Variants in FAM135B observed in about 807,000 individuals in gnomAD.
FAM135B encodes the protein family with sequence similarity 135 member B.
Under a neutral mutation model 127.7 loss-of-function variants are expected in FAM135B, and 43 were observed. That is an observed-to-expected ratio of 0.34 (90% CI 0.26 to 0.43). The LOEUF (loss-of-function observed/expected upper bound fraction) is 0.43. FAM135B is among the 20% of genes least tolerant of loss of function. The probability of loss-of-function intolerance (pLI) is 1.00; values close to 1 mark genes in which losing one functional copy is unlikely to be tolerated. For missense variants in FAM135B, 1,558 were observed against 1,725.6 expected, an observed-to-expected ratio of 0.90 and a Z score of 1.72; for synonymous variants, 670 against 665.1, an observed-to-expected ratio of 1.01 and a Z score of -0.11.
intron 1 of FAM135B, among the ~76,000 whole-genome samples, chr8:138,444,475 T>G (rs577772458): frequency 4.9e-4 from 74 of 152,210 alleles, no homozygotes; most frequent in Non-Finnish European, 9.9e-4. Context: ...TGCAATCAAA[T>G]TAGAACTCAG....
chr8:138,284,536 T>C (rs1824520160), intron 3 of FAM135B, among the ~76,000 whole-genome samples: 1 of 151,684 alleles, frequency 6.6e-6, no homozygotes, highest in African/African-American at 2.4e-5. Context: ...TCCATCTCCA[T>C]ATCACTCCAG....
chr8:138,149,136 AAAAT>A (rs148497404), intron 13 of FAM135B, among the ~76,000 whole-genome samples: 77,028 of 127,392 alleles, frequency 0.6, 20,670 homozygotes, highest in East Asian at 0.76. Context: ...TAATAATAAA[AAAAT>A]AAATAAATAA....
intron 18 of FAM135B, among the ~76,000 whole-genome samples, chr8:138,137,926 C>T (rs539627441): frequency 1.2e-4 from 19 of 152,316 alleles, no homozygotes; most frequent in Non-Finnish European, 2.2e-4. Context: ...CCTTCTCATT[C>T]CCCAGATCCT....
At chr8:138,483,969 G>C (rs534681355) in intron 1 of FAM135B, among the ~76,000 whole-genome samples, 1 of 152,272 alleles carries the variant, frequency 6.6e-6, no homozygotes, top group South Asian at 2.1e-4. Context: ...AAATAAGAAA[G>C]AGCAGATCTG....
chr8:138,354,774 G>A (rs1829988034), intron 2 of FAM135B, among the ~76,000 whole-genome samples: 2 of 152,062 alleles, frequency 1.3e-5, no homozygotes, highest in South Asian at 4.1e-4. Context: ...TTTCAAGGGG[G>A]GATTTGTATG....
chr8:138,426,060 T>TACACAC (rs375950765), intron 1 of FAM135B, among the ~76,000 whole-genome samples: 4 of 128,028 alleles, frequency 3.1e-5, no homozygotes, highest in East Asian at 5.6e-4. Context: ...CATATATATA[T>TACACAC]ACACACACAC....
At chr8:138,200,716 A>G (rs1817050502) in intron 7 of FAM135B, among the ~76,000 whole-genome samples, 1 of 152,160 alleles carries the variant, frequency 6.6e-6, no homozygotes, top group African/African-American at 2.4e-5. Context: ...CGCTTGCTAT[A>G]TGTGTGTATG....
intron 1 of FAM135B, among the ~76,000 whole-genome samples, chr8:138,399,551 C>A (rs928477775): frequency 3.3e-5 from 5 of 152,162 alleles, no homozygotes; most frequent in African/African-American, 1.2e-4. Flanking sequence ...CCCCCACTGT[C>A]AACAGACCAA....
intron 2 of FAM135B, among the ~76,000 whole-genome samples, chr8:138,322,612 T>C (rs964051696): frequency 1.1e-4 from 16 of 152,234 alleles, no homozygotes; most frequent in African/African-American, 2.4e-4. Context: ...TAGTCAGCTA[T>C]GGGGAAATTG....
At chr8:138,266,575 A>C (rs1822937748) in intron 3 of FAM135B, among the ~76,000 whole-genome samples, 1 of 150,082 alleles carries the variant, frequency 6.7e-6, no homozygotes, top group Admixed American at 6.7e-5. Context: ...GATACGTGTA[A>C]AAAATATATG....
At chr8:138,296,470 T>C (rs965454191) in intron 3 of FAM135B, among the ~76,000 whole-genome samples, 2 of 152,204 alleles carry the variant, frequency 1.3e-5, no homozygotes, top group African/African-American at 4.8e-5. Flanking sequence ...CAACTCAATC[T>C]TACATGGAAG....
chr8:138,226,344 A>G lies in FAM135B; in HGVS notation c.669+16598T>C, dbSNP rs1163102430. Among the ~76,000 whole-genome samples, 7 of 152,118 alleles carry G rather than the reference A, an allele frequency of 4.6e-5. No homozygotes were observed. In the East Asian group the frequency reaches 1.4e-3, roughly 29 times the overall value. On this transcript the variant is annotated intron_variant, in intron 7 of 19. Coordinates refer to ENST00000395297, the MANE Select transcript of FAM135B (RefSeq NM_015912.4). ...GAGTCACTGTTGTAAACTAAGACAAATGCACAAAAGGAAAGGAACAGAATT... is the reference window on the plus strand; with the variant it reads ...GAGTCACTGTTGTAAACTAAGACAAGTGCACAAAAGGAAAGGAACAGAATT...
chr8:138,248,602 T>G (rs987810164), intron 6 of FAM135B, among the ~76,000 whole-genome samples: 1 of 152,072 alleles, frequency 6.6e-6, no homozygotes, highest in Non-Finnish European at 1.5e-5. Flanking sequence ...TGTGGATTGC[T>G]TGACCTCAGG....
chr8:138,415,802 A>G (rs950604539), intron 1 of FAM135B, among the ~76,000 whole-genome samples: 27 of 152,218 alleles, frequency 1.8e-4, no homozygotes, highest in African/African-American at 6.5e-4. Flanking sequence ...ACATAGTAAC[A>G]AGTTGCTCTG....
chr8:138,232,963 G>A (rs1820012647), intron 7 of FAM135B, among the ~76,000 whole-genome samples: 1 of 152,052 alleles, frequency 6.6e-6, no homozygotes, highest in African/African-American at 2.4e-5. Context: ...CTTCACCACT[G>A]TCAACCACTA....
rs267601784 is a variant in FAM135B, at chr8:138,148,590, G to A, written c.3378C>T (p.Phe1126=). ...AATTTTCTTCCTCTTCCTCTGGTGGGAAATATGGTATATCAGAAGCTAGTA... is the reference window on the plus strand; with the variant it reads ...AATTTTCTTCCTCTTCCTCTGGTGGAAAATATGGTATATCAGAAGCTAGTA... The part of the protein sequence containing the change: ...LTVLASDIPY[F]PPEEEEENLE... The change falls in exon 14 of 20, where the codon TTC becomes TTT. Residue 1126 remains phenylalanine, a synonymous_variant. Coordinates refer to ENST00000395297, the MANE Select transcript of FAM135B (RefSeq NM_015912.4). 1.2e-6 allele frequency: 2 copies of A among 1,613,110 alleles called. No individual in the cohort carries two copies. The highest frequency in any genetic ancestry group is 1.7e-6 in the Non-Finnish European group (2 of 1,179,224).
intron 1 of FAM135B, among the ~76,000 whole-genome samples, chr8:138,447,930 G>A (rs186007203): frequency 1.3e-5 from 2 of 151,936 alleles, no homozygotes; most frequent in Non-Finnish European, 2.9e-5. Flanking sequence ...TGTATCATAC[G>A]TGACCATACT....
Position 138,156,736 on chromosome 8 carries a change from G to T in FAM135B, c.1259-3520C>A, listed in dbSNP as rs188591850. Among the ~76,000 whole-genome samples, 548 of 152,196 alleles carry T rather than the reference G, an allele frequency of 3.6e-3. 2 individuals are homozygous for T. Among genetic ancestry groups the T allele is most frequent in the Admixed American group, 5.6e-3 (85 of 15,280 alleles). ...TTCCTGGACACATACACCCTCCCAA[G>T]ACTAAACCAGGAAGAAGCTGAATCT... On this transcript the variant is annotated intron_variant, in intron 12 of 19. Coordinates refer to ENST00000395297, the MANE Select transcript of FAM135B (RefSeq NM_015912.4).
rs873828 is a variant in FAM135B, at chr8:138,131,176, A to G, written c.*1417T>C. On this transcript the variant is annotated 3_prime_UTR_variant, in exon 20 of 20. Coordinates refer to ENST00000395297, the MANE Select transcript of FAM135B (RefSeq NM_015912.4). ...AGTGACCTAGAGTCATGGTCTAGGT[A>G]TTGAGAACCCTGGTCCTAGATGCGT... 0.81 allele frequency: 123,148 copies of G among 152,180 alleles called. 50,116 individuals are homozygous for G. The highest frequency in any genetic ancestry group is 1 in the East Asian group (5,158 of 5,168). 9.4% of individuals were successfully genotyped at this position (152,180 alleles called of 1,614,324 possible). A position where few individuals can be genotyped will look rare whatever the true frequency, so the allele number is the denominator to read the frequency against.
Sources: gnomAD v4.1 joint callset for allele counts (sites outside exome capture counted in the v4.1 genomes callset) on GRCh38, gnomAD v4.1.1 for gene constraint, MANE v1.5 for transcripts, NCBI Gene and HGNC (gene_info 2026-07-23, HGNC 2026-07-21) for gene names.